Variants in DLC1 observed in about 807,000 individuals in gnomAD.
DLC1 encodes rho GTPase-activating protein 7.
Under a neutral mutation model 140.3 loss-of-function variants are expected in DLC1, and 54 were observed. The observed-to-expected ratio is 0.38, with a 90% CI of 0.31 to 0.48. The LOEUF (loss-of-function observed/expected upper bound fraction) is 0.48, where lower values mean the gene tolerates loss of function less well. DLC1 is among the 20% of genes least tolerant of loss of function. The pLI is 0.96. For synonymous variants in DLC1, 986 were observed against 728.1 expected, an observed-to-expected ratio of 1.35 and a Z score of -5.70; for missense variants, 2,536 against 1,907.0, an observed-to-expected ratio of 1.33 and a Z score of -6.14.
chr8:13,235,505 A>C (rs558366972), intron 5 of DLC1, among the ~76,000 whole-genome samples: 1 of 152,110 alleles, frequency 6.6e-6, no homozygotes, highest in South Asian at 2.1e-4. Context: ...GATATTCTAA[A>C]CCTCCTTCTA....
intron 4 of DLC1, among the ~76,000 whole-genome samples, chr8:13,365,253 C>G (rs1586214102): frequency 1.3e-5 from 2 of 152,214 alleles, no homozygotes; most frequent in Admixed American, 1.3e-4. Flanking sequence ...TATATCTATC[C>G]TTTAGAACAA....
chr8:13,145,205 C>T (rs150168927), intron 5 of DLC1, among the ~76,000 whole-genome samples: 1 of 152,008 alleles, frequency 6.6e-6, no homozygotes, highest in African/African-American at 2.4e-5. Flanking sequence ...AACATATAAG[C>T]TTAATTGCTT....
At chr8:13,575,793 G>C (rs1049187925) in intron 1 of DLC1, among the ~76,000 whole-genome samples, 1 of 152,184 alleles carries the variant, frequency 6.6e-6, no homozygotes, top group African/African-American at 2.4e-5. Flanking sequence ...TGTATTTTGA[G>C]AAGTAAAATG....
At chr8:13,266,269 G>T (rs894878479) in intron 5 of DLC1, among the ~76,000 whole-genome samples, 42 of 152,104 alleles carry the variant, frequency 2.8e-4, no homozygotes, top group African/African-American at 1.0e-3. Context: ...CATCTACAAG[G>T]GAAGCATTCT....
At chr8:13,276,277 C>T in intron 5 of DLC1, 1 of 1,535,560 alleles carries the variant, frequency 6.5e-7, no homozygotes, top group Middle Eastern at 1.7e-4. Context: ...AGCCGTCTGT[C>T]TCTAGTGTTT....
chr8:13,358,742 G>GA (rs1309549197), intron 4 of DLC1, among the ~76,000 whole-genome samples: 1 of 151,948 alleles, frequency 6.6e-6, no homozygotes, highest in East Asian at 1.9e-4. Flanking sequence ...GAGATGTGTA[G>GA]AAAAAATTGT....
intron 2 of DLC1, among the ~76,000 whole-genome samples, chr8:13,473,509 C>G (rs1212257804): frequency 6.6e-6 from 1 of 152,098 alleles, no homozygotes; most frequent in African/African-American, 2.4e-5. Flanking sequence ...CTGTATATAC[C>G]CAAAAATGTG....
intron 5 of DLC1, among the ~76,000 whole-genome samples, chr8:13,154,431 C>G (rs1824090029): frequency 6.6e-6 from 1 of 152,242 alleles, no homozygotes; most frequent in Non-Finnish European, 1.5e-5. Context: ...TCCGCAGCTG[C>G]TGGCCTGCGT....
intron 5 of DLC1, among the ~76,000 whole-genome samples, chr8:13,215,401 C>T (rs1309205829): frequency 1.3e-5 from 2 of 152,102 alleles, no homozygotes; most frequent in Admixed American, 6.5e-5. Context: ...GCCTGGCCAA[C>T]ATGGTGAAAC....
At chr8:13,567,419 C>T (rs200500548) in intron 1 of DLC1, 3 of 1,551,580 alleles carry the variant, frequency 1.9e-6, no homozygotes, top group African/African-American at 1.4e-5. Flanking sequence ...AAGAAGAAGA[C>T]GAGCAGCAGA....
chr8:13,211,670 A>G (rs989795990), intron 5 of DLC1, among the ~76,000 whole-genome samples: 4 of 152,204 alleles, frequency 2.6e-5, no homozygotes, highest in African/African-American at 4.8e-5. Context: ...TCCTCTGTCT[A>G]TTAGATACAA....
At chr8:13,129,780 C>T (rs1042246767) in intron 5 of DLC1, among the ~76,000 whole-genome samples, 10 of 152,170 alleles carry the variant, frequency 6.6e-5, no homozygotes, top group African/African-American at 1.7e-4. Flanking sequence ...ACTGAGAATT[C>T]GGTCTTTAAT....
intron 2 of DLC1, among the ~76,000 whole-genome samples, chr8:13,451,156 G>A (rs1172730493): frequency 1.4e-5 from 2 of 145,064 alleles, no homozygotes; most frequent in Non-Finnish European, 3.0e-5. Context: ...AAAAAACAAA[G>A]ATGTATAAAG....
chr8:13,430,703 C>G (rs1055918955), intron 2 of DLC1, among the ~76,000 whole-genome samples: 4 of 152,076 alleles, frequency 2.6e-5, no homozygotes, highest in Non-Finnish European at 5.9e-5. Context: ...ATTTAAAAAT[C>G]TAGACAATGG....
At chr8:13,521,695 G>A (rs930439484) in intron 1 of DLC1, among the ~76,000 whole-genome samples, 3 of 152,120 alleles carry the variant, frequency 2.0e-5, no homozygotes, top group Admixed American at 2.0e-4. Flanking sequence ...CCCACCATTT[G>A]GGGGAGTGAA....
At chr8:13,138,955 T>C (rs1448688569) in intron 5 of DLC1, among the ~76,000 whole-genome samples, 4 of 152,022 alleles carry the variant, frequency 2.6e-5, no homozygotes, top group Non-Finnish European at 4.4e-5. Flanking sequence ...AAGTTCAAAA[T>C]ATAGGGAAGT....
At chr8:13,223,394 C>T (rs942875276) in intron 5 of DLC1, among the ~76,000 whole-genome samples, 1 of 152,146 alleles carries the variant, frequency 6.6e-6, no homozygotes, top group East Asian at 1.9e-4. Flanking sequence ...TTAAATAATA[C>T]AATAATCTGT....
At chr8:13,454,887 T>G (rs1194704476) in intron 2 of DLC1, among the ~76,000 whole-genome samples, 1 of 152,132 alleles carries the variant, frequency 6.6e-6, no homozygotes, top group Non-Finnish European at 1.5e-5. Flanking sequence ...CATGCAGTAT[T>G]GGGACCATTT....
At chr8:13,545,841 T>A (rs1049666806) in intron 1 of DLC1, among the ~76,000 whole-genome samples, 1 of 152,120 alleles carries the variant, frequency 6.6e-6, no homozygotes, top group Non-Finnish European at 1.5e-5. Flanking sequence ...AATTAAAGAA[T>A]TTGGAATCCA....
Sources: gnomAD v4.1 joint callset for allele counts (sites outside exome capture counted in the v4.1 genomes callset) on GRCh38, gnomAD v4.1.1 for gene constraint, MANE v1.5 for transcripts, NCBI Gene and HGNC (gene_info 2026-07-23, HGNC 2026-07-21) for gene names.